The following CTNND2 variants were observed in gnomAD, a reference collection of about 807,000 sequenced individuals.
CTNND2 encodes catenin delta 2.
Under a neutral mutation model 144.4 loss-of-function variants are expected in CTNND2, and 22 were observed. The ratio of observed to expected loss-of-function variants is 0.15; its 90% CI spans 0.11 to 0.22. CTNND2 has a LOEUF of 0.22. Among genes scored for constraint, CTNND2 ranks in the 10% least tolerant of loss-of-function variants. The pLI, the probability that CTNND2 is intolerant of heterozygous loss-of-function variation, is 1.00. For synonymous variants in CTNND2, 751 were observed against 695.6 expected, an observed-to-expected ratio of 1.08 and a Z score of -1.25; for missense variants, 1,353 against 1,618.8, an observed-to-expected ratio of 0.84 and a Z score of 2.82.
intron 3 of CTNND2, among the ~76,000 whole-genome samples, chr5:11,488,555 A>G (rs1769072533): frequency 1.3e-5 from 2 of 152,226 alleles, no homozygotes; most frequent in African/African-American, 2.4e-5. Flanking sequence ...AACATGATTG[A>G]AAAGAATATT....
chr5:11,817,634 A>C (rs1314407426), intron 1 of CTNND2, among the ~76,000 whole-genome samples: 1 of 152,042 alleles, frequency 6.6e-6, no homozygotes, highest in Admixed American at 6.5e-5. Flanking sequence ...GATGAGACTT[A>C]AGACATAAAA....
In CTNND2 at chr5:11,398,557, C is replaced by G. The variant is rs149653217; in HGVS notation, c.440-1354G>C. ...TGAATAATATGCCAATTAACTAGTA[C>G]AGTTATTTTGGAATCTATGCGGTTT... On this transcript the variant is annotated intron_variant, in intron 5 of 21. Coordinates refer to ENST00000304623, the MANE Select transcript of CTNND2 (RefSeq NM_001332.4). Among the ~76,000 whole-genome samples, 588 of 151,308 alleles carry G rather than the reference C, an allele frequency of 3.9e-3. 2 individuals carry two copies. The highest frequency in any genetic ancestry group is 0.02 in the Middle Eastern group (6 of 294).
intron 12 of CTNND2, among the ~76,000 whole-genome samples, chr5:11,151,269 T>C (rs143945220): frequency 6.6e-6 from 1 of 152,344 alleles, no homozygotes; most frequent in Non-Finnish European, 1.5e-5. Context: ...GGTTAATAGA[T>C]TTGTTTGCTT....
intron 14 of CTNND2, among the ~76,000 whole-genome samples, chr5:11,105,732 G>T (rs1752357327): frequency 1.3e-5 from 2 of 152,210 alleles, no homozygotes; most frequent in South Asian, 4.1e-4. Context: ...GTTCATCCAT[G>T]GATAATGGCA....
chr5:11,874,128 C>T (rs1308525723), intron 1 of CTNND2, among the ~76,000 whole-genome samples: 4 of 152,170 alleles, frequency 2.6e-5, no homozygotes, highest in Non-Finnish European at 5.9e-5. Context: ...ATTGAAGTCC[C>T]ATCCTAGTTT....
At position 11,411,637 on chromosome 5, in the gene CTNND2, A is replaced by G. The variant is rs751503824; in HGVS notation, c.338T>C (p.Ile113Thr). 7 of 1,605,700 alleles carry G rather than the reference A, an allele frequency of 4.4e-6. No individual in the cohort carries two copies. The highest frequency in any genetic ancestry group is 1.7e-4 in the Middle Eastern group (1 of 6,044). The change falls in exon 5 of 22, where the codon ATC becomes ACC. Residue 113 changes from isoleucine to threonine, a missense_variant. This residue lies in a region of CTNND2 where 708 missense variants were observed against 706.4 expected (regional missense o/e 1.00). Coordinates refer to ENST00000304623, the MANE Select transcript of CTNND2 (RefSeq NM_001332.4). Reference sequence around the variant, plus strand: ...GAGACCTGTTGTAAGCTCATCTTCGATATCTTTTTGACCATCTGAAATGAA... The same window carrying G: ...GAGACCTGTTGTAAGCTCATCTTCGGTATCTTTTTGACCATCTGAAATGAA... ...QWQSQDGQKD[I>T]EDELTTGLEL...
At chr5:11,846,277 A>G (rs1386416735) in intron 1 of CTNND2, among the ~76,000 whole-genome samples, 2 of 152,136 alleles carry the variant, frequency 1.3e-5, no homozygotes, top group African/African-American at 2.4e-5. Context: ...AGAAAAATGC[A>G]AGTACAATAA....
chr5:11,143,134 C>A (rs1287820223), intron 12 of CTNND2, among the ~76,000 whole-genome samples: 1 of 152,098 alleles, frequency 6.6e-6, no homozygotes, highest in African/African-American at 2.4e-5. Flanking sequence ...ATGTGTAAAG[C>A]ACCTAATGTC....
chr5:11,493,082 C>A (rs1426773095), intron 3 of CTNND2, among the ~76,000 whole-genome samples: 1 of 152,048 alleles, frequency 6.6e-6, no homozygotes, highest in Non-Finnish European at 1.5e-5. Flanking sequence ...TACACTCCAG[C>A]CTGGATGACG....
chr5:11,543,010 GT>G (rs1485645422), intron 3 of CTNND2, among the ~76,000 whole-genome samples: 3 of 152,194 alleles, frequency 2.0e-5, no homozygotes, highest in African/African-American at 7.2e-5. Flanking sequence ...ATAAACATGT[GT>G]GCACCTCTTC....
At chr5:11,542,096 A>G (rs1774811903) in intron 3 of CTNND2, among the ~76,000 whole-genome samples, 1 of 152,092 alleles carries the variant, frequency 6.6e-6, no homozygotes, top group African/African-American at 2.4e-5. Context: ...AGCCAAGAAC[A>G]TGACCTGCAG....
intron 16 of CTNND2, among the ~76,000 whole-genome samples, chr5:11,040,876 CT>C (rs1744627250): frequency 1.3e-5 from 2 of 152,250 alleles, no homozygotes; most frequent in African/African-American, 4.8e-5. Context: ...TTTAAACTTA[CT>C]GATTCTAGCT....
intron 9 of CTNND2, among the ~76,000 whole-genome samples, chr5:11,269,999 CAACATTCACA>C (rs1201187167): frequency 6.6e-6 from 1 of 152,122 alleles, no homozygotes; most frequent in African/African-American, 2.4e-5. Flanking sequence ...ATGTATAAAA[CAACATTCACA>C]AACATTGTAT....
intron 18 of CTNND2, among the ~76,000 whole-genome samples, chr5:10,996,468 C>T (rs1157737592): frequency 7.3e-5 from 2 of 27,526 alleles, no homozygotes; most frequent in East Asian, 1.2e-3. Flanking sequence ...CAGGGTGGGA[C>T]ACAAGGGAGG....
intron 3 of CTNND2, among the ~76,000 whole-genome samples, chr5:11,470,970 ATATATATATATTT>A (rs1257615361): frequency 1.0e-5 from 1 of 97,274 alleles, no homozygotes; most frequent in Non-Finnish European, 2.0e-5. Context: ...ATATATATAT[ATATATATATATTT>A]TTTTTTTTTT....
chr5:11,140,620 G>GGGAAGAGA (rs1035960774), intron 12 of CTNND2, among the ~76,000 whole-genome samples: 1 of 152,090 alleles, frequency 6.6e-6, no homozygotes, highest in African/African-American at 2.4e-5. Context: ...TCAAACACAT[G>GGGAAGAGA]GGAAGAGAGG....
chr5:11,871,172 C>T (rs770431818), intron 1 of CTNND2, among the ~76,000 whole-genome samples: 6 of 152,182 alleles, frequency 3.9e-5, no homozygotes, highest in African/African-American at 7.2e-5. Flanking sequence ...ACTACCAGCC[C>T]TCAGAACTAT....
At chr5:11,289,423 T>C (rs1748085157) in intron 9 of CTNND2, among the ~76,000 whole-genome samples, 1 of 152,210 alleles carries the variant, frequency 6.6e-6, no homozygotes, top group Admixed American at 6.5e-5. Context: ...TCTTCTCTTA[T>C]CAAATTGGAT....
At chr5:11,220,336 G>A (rs1228287131) in intron 10 of CTNND2, among the ~76,000 whole-genome samples, 6 of 152,138 alleles carry the variant, frequency 3.9e-5, no homozygotes, top group Admixed American at 2.6e-4. Context: ...TATTAGTTAG[G>A]TTAAGCAAAA....
Sources: gnomAD v4.1 joint callset for allele counts (sites outside exome capture counted in the v4.1 genomes callset) on GRCh38, gnomAD v4.1.1 for gene constraint, gnomAD v4.1.1 regional missense constraint, MANE v1.5 for transcripts, NCBI Gene and HGNC (gene_info 2026-07-23, HGNC 2026-07-21) for gene names.